Variants in FHL2 observed in about 807,000 individuals in gnomAD.
The protein encoded by FHL2 is four and a half LIM domains protein 2.
In FHL2, 20 loss-of-function variants were observed where a neutral mutation model predicts 32.7. That is an observed-to-expected ratio of 0.61 (90% confidence interval 0.43 to 0.89). The LOEUF is 0.89. Ranked by LOEUF, FHL2 falls within the 40% of genes least tolerant of loss-of-function variation. FHL2 has a pLI of 0.00. For synonymous variants in FHL2, 123 were observed against 128.1 expected (o/e 0.96, Z 0.27); for missense variants, 311 against 358.6 (o/e 0.87, Z 1.07).
intron 2 of FHL2, among the ~76,000 whole-genome samples, chr2:105,393,428 A>G (rs938422131): frequency 2.6e-5 from 4 of 152,224 alleles, no homozygotes; most frequent in Non-Finnish European, 5.9e-5. Flanking sequence ...TTACTTATCA[A>G]TAATCAACCA....
chr2:105,361,103 C>T lies in FHL2; in HGVS notation c.*180G>A. 1.8e-6 allele frequency: 1 copy of T among 543,950 alleles called. No individual in the cohort carries two copies. The highest frequency in any genetic ancestry group is 3.6e-5 in the South Asian group (1 of 27,762). 33.7% of individuals were successfully genotyped at this position (543,950 alleles called of 1,614,324 possible). On this transcript the variant is annotated 3_prime_UTR_variant, in exon 7 of 7. Coordinates refer to ENST00000530340, the MANE Select transcript of FHL2 (RefSeq NM_001318895.3). ...GGGCCTAGGGCGAGTTTTCTCTTTC[C>T]CTGGGACTGAACTATCACAAAGCAC... is the stretch of plus-strand genomic sequence containing the variant.
chr2:105,436,459 T>C (rs968934621), intron 1 of FHL2, among the ~76,000 whole-genome samples: 1 of 152,194 alleles, frequency 6.6e-6, no homozygotes, highest in Non-Finnish European at 1.5e-5. Context: ...TAATGATATA[T>C]AGAGATAACC....
At chr2:105,375,775 G>C (rs1414759058) in intron 3 of FHL2, 2 of 152,282 alleles carry the variant, frequency 1.3e-5, no homozygotes, top group Non-Finnish European at 2.9e-5. Flanking sequence ...GCAGGTTGCT[G>C]AAATGCCCAA....
At chr2:105,386,086 A>T (rs978204532) in intron 3 of FHL2, 2 of 446,648 alleles carry the variant, frequency 4.5e-6, no homozygotes, top group Non-Finnish European at 7.9e-6. Context: ...GCAGCTGGGT[A>T]GTTAGATAAG....
chr2:105,438,041 C>T (rs1416948597), intron 1 of FHL2, among the ~76,000 whole-genome samples: 1 of 152,196 alleles, frequency 6.6e-6, no homozygotes, highest in East Asian at 1.9e-4. Flanking sequence ...TTTGCTTTCC[C>T]CTTAAAAAAT....
chr2:105,404,724 G>A (rs935181640), intron 1 of FHL2, among the ~76,000 whole-genome samples: 4 of 152,204 alleles, frequency 2.6e-5, no homozygotes, highest in African/African-American at 9.7e-5. Flanking sequence ...CAAAGGGCAA[G>A]CTCTTTTCCT....
downstream of FHL2, chr2:105,359,703 T>C (rs1278634292): frequency 6.6e-6 from 1 of 152,228 alleles, no homozygotes; most frequent in African/African-American, 2.4e-5. Flanking sequence ...TTATTTTTAC[T>C]GTAATGACTG....
intron 3 of FHL2, among the ~76,000 whole-genome samples, chr2:105,377,406 G>A (rs533208719): frequency 5.3e-5 from 8 of 152,240 alleles, no homozygotes; most frequent in South Asian, 4.2e-4. Flanking sequence ...CGAGGCAGGC[G>A]GATCACCTGA....
In FHL2 at chr2:105,386,341, C is replaced by A. The variant is rs762435052; in HGVS notation, c.156+20G>T. ...TTCCTAGGGGAGCGCCGGGGACCCG[C>A]AGAGGCCCGCAGCAGGTACCTTGCA... is the stretch of plus-strand genomic sequence containing the variant. On this transcript the variant is annotated intron_variant, in intron 3 of 6. Transcript: ENST00000530340. The A allele has an allele frequency of 3.7e-6, 6 of 1,610,684 alleles. No homozygotes were observed. The Admixed American group carries it at 5.0e-5, about 13-fold the overall frequency.
chr2:105,411,045 T>C (rs1047139281), intron 1 of FHL2, among the ~76,000 whole-genome samples: 1 of 152,188 alleles, frequency 6.6e-6, no homozygotes, highest in South Asian at 2.1e-4. Context: ...ATTGAATCTT[T>C]GTGAAATTTG....
intron 1 of FHL2, among the ~76,000 whole-genome samples, chr2:105,435,437 T>C (rs1344762981): frequency 6.6e-6 from 1 of 152,238 alleles, no homozygotes; most frequent in Admixed American, 6.5e-5. Context: ...TTGAAATTAC[T>C]CTAGATTTAT....
intron 3 of FHL2, among the ~76,000 whole-genome samples, chr2:105,383,738 G>A (rs1682076951): frequency 6.6e-6 from 1 of 152,146 alleles, no homozygotes; most frequent in South Asian, 2.1e-4. Flanking sequence ...GAAAAAAACA[G>A]GAACATTTTT....
chr2:105,369,145 G>A (rs1573293279), intron 4 of FHL2, among the ~76,000 whole-genome samples: 1 of 152,328 alleles, frequency 6.6e-6, no homozygotes, highest in East Asian at 1.9e-4. Context: ...CCTGGGGACT[G>A]TGGCATGAGG....
intron 1 of FHL2, among the ~76,000 whole-genome samples, chr2:105,406,374 G>A (rs1052425133): frequency 2.0e-5 from 3 of 152,138 alleles, no homozygotes; most frequent in Admixed American, 1.3e-4. Context: ...ATGGAGGGCC[G>A]GAGGGGTTCC....
intron 1 of FHL2, chr2:105,396,901 G>C (rs1007212361): frequency 1.8e-6 from 1 of 561,056 alleles, no homozygotes; most frequent in East Asian, 3.0e-5. Context: ...TCAGAGAGCC[G>C]CTTAGCGACT....
chr2:105,378,213 A>G, intron 3 of FHL2: 1 of 470,908 alleles, frequency 2.1e-6, no homozygotes, highest in Non-Finnish European at 4.4e-6. Flanking sequence ...TGGCACAAAA[A>G]TGCAATAGCT....
chr2:105,438,341 C>G (rs1015361860), intron 1 of FHL2: 10 of 984,390 alleles, frequency 1.0e-5, no homozygotes, highest in African/African-American at 7.0e-5. Context: ...GCTGCAGAGA[C>G]AGGCTGGGAA....
chr2:105,429,110 C>A (rs1684346322), intron 1 of FHL2, among the ~76,000 whole-genome samples: 1 of 152,122 alleles, frequency 6.6e-6, no homozygotes, highest in Non-Finnish European at 1.5e-5. Context: ...GCATACAAAA[C>A]CTGAATCTGG....
At position 105,386,366 on chromosome 2, in the gene FHL2, A is replaced by G. The variant is rs796763513; in HGVS notation, c.151T>C (p.Cys51Arg). Residue 51 changes from cysteine (C) to arginine (R), a missense_variant, in exon 3 of 7, where the codon TGC becomes CGC. Coordinates refer to ENST00000530340, the MANE Select transcript of FHL2 (RefSeq NM_001318895.3). ...CAGAGGCCCGCAGCAGGTACCTTGC[A>G]GTCACAGCCGATGGGCTTCCCACAC... is the stretch of plus-strand genomic sequence containing the variant. ...EECGKPIGCD[C>R]KDLSYKDRHW... 1 of 1,613,854 alleles carries G rather than the reference A, an allele frequency of 6.2e-7. No homozygotes were observed. The highest frequency in any genetic ancestry group is 8.5e-7 in the Non-Finnish European group (1 of 1,179,934).
Sources: allele counts gnomAD v4.1 joint callset (sites outside exome capture counted in the v4.1 genomes callset), GRCh38; gene constraint gnomAD v4.1.1; transcripts MANE v1.5; gene names NCBI Gene and HGNC (gene_info 2026-07-23, HGNC 2026-07-21).